WDR41: variants seen among roughly 807,000 people sequenced by gnomAD.
WDR41 encodes the protein WD repeat-containing protein 41.
A neutral mutation model predicts 69.3 loss-of-function variants in WDR41; 63 were observed. The ratio of observed to expected loss-of-function variants is 0.91; its 90% CI spans 0.74 to 1.12. WDR41 has a LOEUF of 1.12. Ranked by LOEUF, WDR41 falls within the 50% of genes most tolerant of loss-of-function variation. WDR41 has a pLI of 0.00. For missense variants in WDR41, 543 were observed against 534.5 expected (o/e 1.02, Z -0.16); for synonymous variants, 185 against 192.1 (o/e 0.96, Z 0.31).
rs778354822 is a variant in WDR41, at chr5:77,433,242, C to T, written c.1273G>A (p.Asp425Asn). The stretch of plus-strand genomic sequence containing the variant: ...TTTTTCCACAAAATAATGAGATGAT[C>T]AGCGGAGCACGTCACTAGTCCATGA... ...EDHGLVTCSADHLIILWKNGE... is the reference protein window; with the variant it reads ...EDHGLVTCSANHLIILWKNGE... Residue 425 changes from aspartate to asparagine, a missense_variant, in exon 13 of 13, where the codon GAT becomes AAT. Asp to Asn is a conservative substitution (Grantham distance 23). Coordinates refer to ENST00000296679, the MANE Select transcript of WDR41 (RefSeq NM_018268.4). The T allele has an allele frequency of 1.2e-6, 2 of 1,613,988 alleles. No individual in the cohort carries two copies. Among genetic ancestry groups the T allele is most frequent in the South Asian group, 2.2e-5 (2 of 91,052 alleles).
intron 1 of WDR41, chr5:77,620,463 CA>C (rs1409352896): frequency 4.4e-6 from 2 of 455,480 alleles, no homozygotes; most frequent in Admixed American, 2.4e-5. Context: ...GAAGTCCCAA[CA>C]AAAACTTCAC....
chr5:77,511,824 T>C (rs968913473), intron 1 of WDR41, among the ~76,000 whole-genome samples: 46 of 151,382 alleles, frequency 3.0e-4, no homozygotes, highest in African/African-American at 1.1e-3. Flanking sequence ...AATCTCCATT[T>C]AGGTTACCAA....
At chr5:77,463,028 C>T in intron 4 of WDR41, 67 bp downstream of exon 4, 11 of 1,546,432 alleles carry the variant, frequency 7.1e-6, no homozygotes, top group Non-Finnish European at 9.6e-6. Context: ...CAGCTAAAGA[C>T]TAATAGTGTA....
At chr5:77,586,663 A>G (rs542562111) in intron 1 of WDR41, among the ~76,000 whole-genome samples, 5 of 149,804 alleles carry the variant, frequency 3.3e-5, no homozygotes, top group African/African-American at 1.2e-4. Context: ...AAAATAGTTT[A>G]TATGATATTT....
intron 1 of WDR41, among the ~76,000 whole-genome samples, chr5:77,584,827 A>T (rs1744009087): frequency 6.6e-6 from 1 of 152,190 alleles, no homozygotes; most frequent in Non-Finnish European, 1.5e-5. Flanking sequence ...TCAACCCAAG[A>T]TGGATCAAGG....
chr5:77,437,251 TG>T (rs1798973854), intron 11 of WDR41, 84 bp downstream of exon 11: 2 of 1,069,188 alleles, frequency 1.9e-6, no homozygotes, highest in Admixed American at 1.7e-5. Context: ...ATTATTTTAG[TG>T]GTTTCACATA....
intron 1 of WDR41, among the ~76,000 whole-genome samples, chr5:77,516,729 T>C (rs1280596999): frequency 2.6e-5 from 4 of 152,154 alleles, no homozygotes; most frequent in Admixed American, 6.6e-5. Flanking sequence ...CTCTTAAGAA[T>C]GTTTTCCAGC....
chr5:77,556,257 A>G (rs1179682725), intron 1 of WDR41, among the ~76,000 whole-genome samples: 1 of 151,970 alleles, frequency 6.6e-6, no homozygotes, highest in Non-Finnish European at 1.5e-5. Flanking sequence ...GGCCCATGCC[A>G]CCACGCCCAG....
chr5:77,465,102 G>A (rs1800246866), intron 2 of WDR41, among the ~76,000 whole-genome samples: 1 of 152,088 alleles, frequency 6.6e-6, no homozygotes, highest in Non-Finnish European at 1.5e-5. Context: ...AGAAATCCCT[G>A]ACTTAAGTGA....
chr5:77,496,282 AG>A (rs1342035705), upstream of WDR41, among the ~76,000 whole-genome samples: 4 of 152,072 alleles, frequency 2.6e-5, no homozygotes, highest in Non-Finnish European at 5.9e-5. Context: ...GTAGACAAAA[AG>A]AAGTAAAAAG....
intron 2 of WDR41, among the ~76,000 whole-genome samples, chr5:77,484,770 T>A (rs1801435744): frequency 1.3e-5 from 2 of 152,160 alleles, no homozygotes; most frequent in South Asian, 4.1e-4. Flanking sequence ...CAGACGCCAA[T>A]ACCTGCCTTC....
chr5:77,441,022 A>G (rs1480072293), intron 8 of WDR41, 25 bp from the exon 9 acceptor site: 2 of 1,607,820 alleles, frequency 1.2e-6, no homozygotes, highest in South Asian at 2.2e-5. Context: ...CATATGCCTC[A>G]TTATCGATCA....
intron 1 of WDR41, among the ~76,000 whole-genome samples, chr5:77,558,965 TG>T (rs1343134547): frequency 1.3e-5 from 2 of 152,192 alleles, no homozygotes; most frequent in Admixed American, 6.6e-5. Context: ...CAAGAAATTG[TG>T]GGCTAAGATT....
chr5:77,609,433 C>A (rs1314387121), intron 1 of WDR41, among the ~76,000 whole-genome samples: 1 of 152,176 alleles, frequency 6.6e-6, no homozygotes, highest in East Asian at 1.9e-4. Context: ...ACACCTCACA[C>A]GGCCAGGTAC....
intron 2 of WDR41, among the ~76,000 whole-genome samples, chr5:77,466,160 AC>A (rs1800295713): frequency 6.6e-6 from 1 of 151,318 alleles, no homozygotes; most frequent in African/African-American, 2.4e-5. Context: ...GCTAAAAATC[AC>A]AAAGAGTTAT....
intron 1 of WDR41, among the ~76,000 whole-genome samples, chr5:77,548,162 C>T (rs577717351): frequency 1.3e-5 from 2 of 152,170 alleles, no homozygotes; most frequent in Non-Finnish European, 2.9e-5. Flanking sequence ...AATCTAAGAC[C>T]TGAAACTATA....
intron 1 of WDR41, among the ~76,000 whole-genome samples, chr5:77,598,655 T>TG (rs1491445609): frequency 2.0e-5 from 2 of 101,910 alleles, no homozygotes; most frequent in African/African-American, 5.5e-5. Context: ...TTTTTTTTTT[T>TG]GTTTTTTTTG....
chr5:77,582,439 C>G, intron 1 of WDR41: 30 of 1,606,568 alleles, frequency 1.9e-5, no homozygotes, highest in Non-Finnish European at 2.5e-5. Flanking sequence ...TAAGAAAAAG[C>G]GAAGGAATTT....
rs755864343 is a variant in WDR41 at position 77,492,226 on chromosome 5, C to T, written c.-6G>A. ...CCGATCAGCCATCGCAACATCCGGGCAGCGGCGGCGTCTTGCCCGGTCCAG... is the reference window on the plus strand; with the variant it reads ...CCGATCAGCCATCGCAACATCCGGGTAGCGGCGGCGTCTTGCCCGGTCCAG... On this transcript the variant is annotated 5_prime_UTR_variant, in exon 1 of 13. Transcript: ENST00000296679. 4 of 1,612,468 alleles carry T rather than the reference C, an allele frequency of 2.5e-6. No individual in the cohort carries two copies. Among genetic ancestry groups the T allele is most frequent in the African/African-American group, 1.3e-5 (1 of 74,822 alleles).
Sources: gnomAD v4.1 joint callset for allele counts (sites outside exome capture counted in the v4.1 genomes callset) on GRCh38, gnomAD v4.1.1 for gene constraint, MANE v1.5 for transcripts, NCBI Gene and HGNC (gene_info 2026-07-23, HGNC 2026-07-21) for gene names.